GAL3ST2: variants seen among roughly 807,000 people sequenced by gnomAD.
The protein encoded by GAL3ST2 is galactose-3-O-sulfotransferase 2, also known as beta-galactose-3-O-sulfotransferase 2.
GAL3ST2 carries 16 observed loss-of-function variants against 12.9 expected under a neutral mutation model. The ratio of observed to expected loss-of-function variants is 1.24; its 90% CI spans 0.84 to 1.88. GAL3ST2 has a LOEUF of 1.88. GAL3ST2 is among the 40% of genes most tolerant of loss of function. GAL3ST2 has a pLI of 0.00. For missense variants in GAL3ST2, 639 were observed against 571.8 expected, an observed-to-expected ratio of 1.12 and a Z score of -1.20; for synonymous variants, 302 against 273.9, an observed-to-expected ratio of 1.10 and a Z score of -1.01.
chr2:241,780,286 C>T (rs925160315), intron 1 of GAL3ST2, among the ~76,000 whole-genome samples: 5 of 152,056 alleles, frequency 3.3e-5, no homozygotes, highest in Admixed American at 1.3e-4. Context: ...TTTGGGAGGC[C>T]GAGGTGGATG....
At chr2:241,794,128 G>A (rs533029011) in intron 1 of GAL3ST2, among the ~76,000 whole-genome samples, 3 of 152,006 alleles carry the variant, frequency 2.0e-5, no homozygotes, top group Non-Finnish European at 2.9e-5. Flanking sequence ...TGTATTTTTC[G>A]TAGAGATGGG....
At chr2:241,785,437 C>T (rs1699616955) in intron 1 of GAL3ST2, among the ~76,000 whole-genome samples, 1 of 151,644 alleles carries the variant, frequency 6.6e-6, no homozygotes, top group Admixed American at 6.6e-5. Context: ...CCTGTAATCC[C>T]AGCTACTCAG....
rs142938346 is a variant in GAL3ST2 at position 241,793,348 on chromosome 2, A to ATGTG, written c.30-5711_30-5708dup. Among the ~76,000 whole-genome samples, 1 of 151,794 alleles carries ATGTG rather than the reference A, an allele frequency of 6.6e-6. No individual in the cohort carries two copies. Among genetic ancestry groups the ATGTG allele is most frequent in the Non-Finnish European group, 1.5e-5 (1 of 67,926 alleles). ...TGTGTATGTGTATGTATCTGTATGT[A>ATGTG]TGTGTGTGTATTGTGTGTGTATGTA... On this transcript the variant is annotated intron_variant, in intron 1 of 3. Coordinates refer to ENST00000192314, the MANE Select transcript of GAL3ST2 (RefSeq NM_022134.3). The surrounding 1 kb of genome is among the most constrained non-coding windows in gnomAD (Gnocchi z 4.7).
chr2:241,788,090 C>G (rs1699650137), intron 1 of GAL3ST2, among the ~76,000 whole-genome samples: 1 of 152,216 alleles, frequency 6.6e-6, no homozygotes, highest in Non-Finnish European at 1.5e-5. Context: ...GTACCAAGGA[C>G]TCTAGAGAAG....
At chr2:241,790,467 G>T (rs1485873269) in intron 1 of GAL3ST2, among the ~76,000 whole-genome samples, 1 of 152,084 alleles carries the variant, frequency 6.6e-6, no homozygotes, top group East Asian at 1.9e-4. Flanking sequence ...AAAATTTGGG[G>T]TATATTTGTT....
chr2:241,790,419 A>G (rs1699681248), intron 1 of GAL3ST2, among the ~76,000 whole-genome samples: 1 of 152,166 alleles, frequency 6.6e-6, no homozygotes, highest in African/African-American at 2.4e-5. Flanking sequence ...CTTTTGAGCT[A>G]TTGACAGCTT....
chr2:241,794,566 G>C (rs1699747878), intron 1 of GAL3ST2, among the ~76,000 whole-genome samples: 1 of 152,242 alleles, frequency 6.6e-6, no homozygotes, highest in South Asian at 2.1e-4. Flanking sequence ...CCTGCCCAGA[G>C]CTGGAAAGCC....
intron 1 of GAL3ST2, among the ~76,000 whole-genome samples, chr2:241,783,631 TGAC>T (rs1699591523): frequency 6.6e-6 from 1 of 152,270 alleles, no homozygotes; most frequent in Non-Finnish European, 1.5e-5. Context: ...TTCTAAATTA[TGAC>T]GTTTGTCTGC....
chr2:241,791,172 C>T (rs995749389), intron 1 of GAL3ST2, among the ~76,000 whole-genome samples: 5 of 152,192 alleles, frequency 3.3e-5, no homozygotes, highest in African/African-American at 7.2e-5. Context: ...GGGCCATGGT[C>T]ACTCATTTTG....
At position 241,801,876 on chromosome 2, in the gene GAL3ST2, A is replaced by G. The variant is rs766663521; in HGVS notation, c.215A>G (p.Tyr72Cys). The G allele has an allele frequency of 1.9e-6, 3 of 1,612,728 alleles. No individual in the cohort carries two copies. In the African/African-American group the frequency reaches 4.0e-5, roughly 22 times the overall value. Reference sequence around the variant, plus strand: ...AGCAGCACGGTGCTCAACATCCTCTACCGCTTCGCCGAGACCCACAACCTG... The same window carrying G: ...AGCAGCACGGTGCTCAACATCCTCTGCCGCTTCGCCGAGACCCACAACCTG... ...TASSTVLNIL[Y>C]RFAETHNLSV... is the part of the protein sequence containing the mutation. The change falls in exon 3 of 4, where the codon TAC becomes TGC. Residue 72 changes from tyrosine to cysteine, a missense_variant. Coordinates refer to ENST00000192314, the MANE Select transcript of GAL3ST2 (RefSeq NM_022134.3). This position sits in a 1 kb window ranked among gnomAD's most constrained non-coding sequence, Gnocchi z 4.4.
At chr2:241,786,936 G>A (rs1002229860) in intron 1 of GAL3ST2, among the ~76,000 whole-genome samples, 1 of 152,164 alleles carries the variant, frequency 6.6e-6, no homozygotes, top group African/African-American at 2.4e-5. Flanking sequence ...GGGCCAACCT[G>A]CCTCCCGTTC....
intron 1 of GAL3ST2, among the ~76,000 whole-genome samples, chr2:241,777,274 C>T (rs781584594): frequency 1.1e-4 from 16 of 152,282 alleles, no homozygotes; most frequent in African/African-American, 3.6e-4. Context: ...CGAGTGTCCG[C>T]GTGACGGCTG....
At chr2:241,786,242 T>G (rs147025259) in intron 1 of GAL3ST2, among the ~76,000 whole-genome samples, 33 of 151,664 alleles carry the variant, frequency 2.2e-4, no homozygotes, top group African/African-American at 8.0e-4. Context: ...TTTGATAAAG[T>G]TGGATAGAGT....
chr2:241,781,713 C>A (rs1345290321), intron 1 of GAL3ST2, among the ~76,000 whole-genome samples: 1 of 151,072 alleles, frequency 6.6e-6, no homozygotes, highest in African/African-American at 2.4e-5. Context: ...CCATTTCATA[C>A]TTGACAATGC....
chr2:241,780,745 C>G (rs549564859), intron 1 of GAL3ST2, among the ~76,000 whole-genome samples: 2 of 152,256 alleles, frequency 1.3e-5, no homozygotes, highest in Non-Finnish European at 2.9e-5. Context: ...AAAGCTGAGC[C>G]CAGCCACGAA....
chr2:241,803,185 G>A (rs1207561357), intron 3 of GAL3ST2, among the ~76,000 whole-genome samples, 160 bp from the exon 4 acceptor site: 1 of 152,194 alleles, frequency 6.6e-6, no homozygotes, highest in Non-Finnish European at 1.5e-5. Flanking sequence ...CTCTGCTCCC[G>A]GAGCTGCCGC....
rs985159443 is a variant in GAL3ST2 at position 241,803,383 on chromosome 2, C to T, written c.414C>T (p.Ser138=). 3 of 1,611,010 alleles carry T rather than the reference C, an allele frequency of 1.9e-6. No homozygotes were observed. The highest frequency in any genetic ancestry group is 2.5e-6 in the Non-Finnish European group (3 of 1,178,118). The change falls in exon 4 of 4, where the codon TCC becomes TCT. Residue 138 remains serine, a synonymous_variant. Coordinates refer to ENST00000192314, the MANE Select transcript of GAL3ST2 (RefSeq NM_022134.3). ...KVMPNDTFYF[S]ILRNPVFQLE... ...TGCCCAACGACACCTTCTACTTCTC[C>T]ATCCTGAGGAACCCCGTGTTCCAGC...
In GAL3ST2 at chr2:241,804,227, G is replaced by A. The variant is rs1032513148; in HGVS notation, c.*61G>A. On this transcript the variant is annotated 3_prime_UTR_variant, in exon 4 of 4. Transcript: ENST00000192314. The stretch of plus-strand genomic sequence containing the variant: ...CCAGCTCCTCTCTCCGCCGTCACCG[G>A]GGAGGCCGGGGATCCTTGCAGGGCT... 2.1e-4 allele frequency: 283 copies of A among 1,318,588 alleles called. 1 individual carries two copies. The highest frequency in any genetic ancestry group is 1.5e-4 in the Non-Finnish European group (154 of 1,012,110). The allele number at this position is 1,318,588 out of a possible 1,614,324, so 81.7% of individuals were successfully genotyped here. A position where few individuals can be genotyped will look rare whatever the true frequency, so the allele number is the denominator to read the frequency against.
In GAL3ST2 at chr2:241,784,288, C is replaced by T. The variant is rs537091577; in HGVS notation, c.29+7304C>T. 3.6e-4 allele frequency among the ~76,000 whole-genome samples: 55 copies of T among 152,332 alleles called. 1 individual carries two copies. The East Asian group carries it at 0.01, about 29-fold the overall frequency. ...AACCTCGTGATCCACCTGCCTCGGC[C>T]TCCCAAAGTGCTGGGATTACAGGCG... On this transcript the variant is annotated intron_variant, in intron 1 of 3. Coordinates refer to ENST00000192314, the MANE Select transcript of GAL3ST2 (RefSeq NM_022134.3).
Sources: allele counts gnomAD v4.1 joint callset (sites outside exome capture counted in the v4.1 genomes callset), GRCh38; gene constraint gnomAD v4.1.1; non-coding constraint Gnocchi (gnomAD v3.1); transcripts MANE v1.5; gene names NCBI Gene and HGNC (gene_info 2026-07-23, HGNC 2026-07-21).